The following PLCB1 variants were observed in gnomAD, a reference collection of about 807,000 sequenced individuals.
PLCB1 encodes 1-phosphatidylinositol 4,5-bisphosphate phosphodiesterase beta-1.
PLCB1 carries 46 observed loss-of-function variants against 161.8 expected under a neutral mutation model. That is an observed-to-expected ratio of 0.28 (90% confidence interval 0.22 to 0.36). The LOEUF (loss-of-function observed/expected upper bound fraction) is 0.36, where lower values mean the gene tolerates loss of function less well. Ranked by LOEUF, PLCB1 falls within the 10% of genes least tolerant of loss-of-function variation. The pLI is 1.00. For missense variants in PLCB1, 1,016 were observed against 1,472.5 expected, an observed-to-expected ratio of 0.69 and a Z score of 5.07; for synonymous variants, 517 against 503.7, an observed-to-expected ratio of 1.03 and a Z score of -0.35.
At chr20:8,699,094 C>G (rs992986312) in intron 11 of PLCB1, among the ~76,000 whole-genome samples, 5 of 152,132 alleles carry the variant, frequency 3.3e-5, no homozygotes, top group African/African-American at 1.2e-4. Flanking sequence ...AACATGTTCT[C>G]TCCGCTGACT....
chr20:8,340,203 G>C (rs1049782481), intron 2 of PLCB1, among the ~76,000 whole-genome samples: 8 of 152,206 alleles, frequency 5.3e-5, no homozygotes, highest in South Asian at 2.1e-4. Flanking sequence ...CCTTTCCAAG[G>C]CTCATCCTCA....
intron 3 of PLCB1, among the ~76,000 whole-genome samples, chr20:8,595,015 T>A (rs1238852613): frequency 6.6e-6 from 1 of 152,206 alleles, no homozygotes. Flanking sequence ...CAAAAGTATA[T>A]ATAGACTACA....
intron 2 of PLCB1, among the ~76,000 whole-genome samples, chr20:8,191,842 T>C (rs1230534770): frequency 1.3e-5 from 2 of 152,026 alleles, no homozygotes; most frequent in Admixed American, 1.3e-4. Context: ...AGGTGTCTTG[T>C]TTTTCCTAAT....
chr20:8,855,687 A>G (rs1164863398), intron 31 of PLCB1, among the ~76,000 whole-genome samples: 2 of 152,198 alleles, frequency 1.3e-5, no homozygotes, highest in East Asian at 3.8e-4. Flanking sequence ...ATATCAGAAC[A>G]CAGCATTTGT....
At chr20:8,750,232 A>T (rs1158909934) in intron 23 of PLCB1, among the ~76,000 whole-genome samples, 1 of 152,226 alleles carries the variant, frequency 6.6e-6, no homozygotes, top group African/African-American at 2.4e-5. Context: ...TTACCGCTGG[A>T]AGAACTTGCT....
intron 3 of PLCB1, among the ~76,000 whole-genome samples, chr20:8,459,486 G>C (rs970648067): frequency 6.6e-6 from 1 of 152,078 alleles, no homozygotes; most frequent in Non-Finnish European, 1.5e-5. Context: ...TTTTTCACAT[G>C]GTCTTGGTTT....
intron 3 of PLCB1, among the ~76,000 whole-genome samples, chr20:8,565,256 A>G (rs1254285130): frequency 6.6e-6 from 1 of 152,136 alleles, no homozygotes; most frequent in East Asian, 1.9e-4. Flanking sequence ...CAAACACCAC[A>G]TGTTCTCACT....
intron 3 of PLCB1, among the ~76,000 whole-genome samples, chr20:8,399,401 AC>A (rs1183783814): frequency 1.2e-4 from 19 of 152,142 alleles, no homozygotes; most frequent in African/African-American, 3.6e-4. Context: ...GAGTTAAAAT[AC>A]TTACCTTTTT....
intron 2 of PLCB1, among the ~76,000 whole-genome samples, chr20:8,269,539 C>A (rs1171854651): frequency 6.6e-6 from 1 of 152,048 alleles, no homozygotes; most frequent in Admixed American, 6.6e-5. Context: ...GCTTTAGAAA[C>A]CCGATGCAAC....
At chr20:8,703,253 A>G (rs1443300879) in intron 11 of PLCB1, among the ~76,000 whole-genome samples, 1 of 152,202 alleles carries the variant, frequency 6.6e-6, no homozygotes, top group Non-Finnish European at 1.5e-5. Flanking sequence ...TTAATACACA[A>G]ATATTGCTTA....
At chr20:8,412,929 A>G (rs73591782) in intron 3 of PLCB1, among the ~76,000 whole-genome samples, 2,395 of 152,014 alleles carry the variant, frequency 0.016, 59 homozygotes, top group African/African-American at 0.055. Flanking sequence ...AGTATTTCCT[A>G]AAATTTCTTT....
In PLCB1 at chr20:8,846,587, G is replaced by A. The variant is rs113815144; in HGVS notation, c.3424-35035G>A. On this transcript the variant is annotated intron_variant, in intron 31 of 31. Coordinates refer to ENST00000338037, the MANE Select transcript of PLCB1 (RefSeq NM_015192.4). ...CAGGTCATGCTAATGTTACTGGTCC[G>A]TGGACCACACTTTGAGTAGGAAGAT... Among the ~76,000 whole-genome samples, 712 of 152,178 alleles carry A rather than the reference G, an allele frequency of 4.7e-3. 10 individuals carry two copies. The highest frequency in any genetic ancestry group is 0.016 in the African/African-American group (659 of 41,522).
intron 15 of PLCB1, among the ~76,000 whole-genome samples, 170 bp downstream of exon 15, chr20:8,722,591 C>CCAA (rs1979708984): frequency 5.9e-5 from 9 of 152,090 alleles, no homozygotes; most frequent in Non-Finnish European, 1.3e-4. Flanking sequence ...TTCCACAATC[C>CCAA]GGAGAAGATA....
chr20:8,361,232 G>C (rs894944086), intron 2 of PLCB1, among the ~76,000 whole-genome samples: 1 of 152,168 alleles, frequency 6.6e-6, no homozygotes, highest in Non-Finnish European at 1.5e-5. Flanking sequence ...CTACTGATAA[G>C]CACAGTAGTC....
intron 3 of PLCB1, among the ~76,000 whole-genome samples, chr20:8,383,009 G>A (rs1005408961): frequency 1.3e-5 from 2 of 152,204 alleles, no homozygotes; most frequent in African/African-American, 2.4e-5. Context: ...TGTATATTCT[G>A]TTGATTTGGG....
intron 10 of PLCB1, among the ~76,000 whole-genome samples, chr20:8,689,126 T>A (rs576892623): frequency 7.2e-5 from 11 of 152,244 alleles, no homozygotes; most frequent in African/African-American, 2.6e-4. Flanking sequence ...GGTTGAGTTC[T>A]TGATTTGATT....
chr20:8,814,910 C>A lies in PLCB1; in HGVS notation c.3423+24649C>A, dbSNP rs1166181218. ...ACTTACAGGCAGGAGTAGGGCCAGGCCAGAAATCTAGTCTCCCGTCTTTTT... is the reference window on the plus strand; with the variant it reads ...ACTTACAGGCAGGAGTAGGGCCAGGACAGAAATCTAGTCTCCCGTCTTTTT... On this transcript the variant is annotated intron_variant, in intron 31 of 31. Transcript: ENST00000338037. Among the ~76,000 whole-genome samples the A allele has an allele frequency of 3.9e-5, 6 of 152,034 alleles. No individual in the cohort carries two copies. In the East Asian group the frequency reaches 1.2e-3, roughly 29 times the overall value.
At chr20:8,245,844 A>G (rs548081546) in intron 2 of PLCB1, among the ~76,000 whole-genome samples, 1 of 151,956 alleles carries the variant, frequency 6.6e-6, no homozygotes, top group African/African-American at 2.4e-5. Context: ...TAATATTTAC[A>G]ATAACGAAAT....
intron 3 of PLCB1, among the ~76,000 whole-genome samples, chr20:8,545,494 C>G (rs910653430): frequency 2.0e-5 from 3 of 151,962 alleles, no homozygotes. Context: ...TTGGGACAGA[C>G]CAGTGGTAGG....
Sources: gnomAD v4.1 joint callset for allele counts (sites outside exome capture counted in the v4.1 genomes callset) on GRCh38, gnomAD v4.1.1 for gene constraint, MANE v1.5 for transcripts, NCBI Gene and HGNC (gene_info 2026-07-23, HGNC 2026-07-21) for gene names.